ASPH: variants seen among roughly 807,000 people sequenced by gnomAD.
ASPH encodes aspartate beta-hydroxylase.
In ASPH, 100 loss-of-function variants were observed where a neutral mutation model predicts 118.4. The ratio of observed to expected loss-of-function variants is 0.84; its 90% CI spans 0.72 to 1.00. The LOEUF is 1.00. Among genes scored for constraint, ASPH ranks in the 50% least tolerant of loss-of-function variants. The pLI, the probability that ASPH is intolerant of heterozygous loss-of-function variation, is 0.00. For synonymous variants in ASPH, 315 were observed against 325.6 expected, an observed-to-expected ratio of 0.97 and a Z score of 0.35; for missense variants, 920 against 919.5, an observed-to-expected ratio of 1.00 and a Z score of -0.01.
In ASPH at chr8:61,628,323, C is replaced by CTTTTTTTTTT. The variant is rs398008041; in HGVS notation, c.934+5350_934+5359dup. The CTTTTTTTTTT allele has an allele frequency of 5.6e-5, 10 of 178,002 alleles. 2 individuals are homozygous for CTTTTTTTTTT. In the African/African-American group the frequency reaches 5.7e-4, roughly 10 times the overall value. The allele number at this position is 178,002 out of a possible 1,614,324, so 11.0% of individuals were successfully genotyped here. ...TACAGGCACGTGACACCAAGCCCGG[C>CTTTTTTTTTT]TTTTTTTTTTTTTTTTTTTTTTTTT... is the stretch of plus-strand genomic sequence containing the variant. On this transcript the variant is annotated intron_variant, in intron 13 of 24. Transcript: ENST00000379454.
At chr8:61,509,802 G>A (rs571315571) in intron 24 of ASPH, among the ~76,000 whole-genome samples, 4 of 152,026 alleles carry the variant, frequency 2.6e-5, no homozygotes, top group Non-Finnish European at 4.4e-5. Flanking sequence ...ATGTGAGTAG[G>A]GGGGGAGGGT....
intron 13 of ASPH, among the ~76,000 whole-genome samples, chr8:61,626,913 A>G (rs1185184032): frequency 6.6e-6 from 1 of 152,014 alleles, no homozygotes; most frequent in Admixed American, 6.6e-5. Flanking sequence ...TTGTGTTACA[A>G]TTAAACTAGA....
At chr8:61,533,587 T>C (rs1818382980) in intron 21 of ASPH, among the ~76,000 whole-genome samples, 1 of 152,206 alleles carries the variant, frequency 6.6e-6, no homozygotes, top group Non-Finnish European at 1.5e-5. Context: ...CTGACAGGCC[T>C]CCATGTTGGG....
intron 1 of ASPH, among the ~76,000 whole-genome samples, chr8:61,706,455 A>AGGAGGAGG (rs1422556222): frequency 7.0e-6 from 1 of 142,138 alleles, no homozygotes; most frequent in African/African-American, 2.7e-5. Flanking sequence ...GAAGAAGAAG[A>AGGAGGAGG]AGGAGGAAGA....
At chr8:61,577,759 A>G (rs1343915217) in intron 15 of ASPH, among the ~76,000 whole-genome samples, 1 of 152,116 alleles carries the variant, frequency 6.6e-6, no homozygotes, top group East Asian at 1.9e-4. Flanking sequence ...AGAACTTACT[A>G]TCATGAGAAC....
chr8:61,675,946 G>A (rs1050650217), intron 3 of ASPH: 2 of 1,506,942 alleles, frequency 1.3e-6, no homozygotes, highest in Non-Finnish European at 8.8e-7. Context: ...AAGATCACAT[G>A]GTTGACTTGC....
chr8:61,603,483 G>A (rs1357391245), intron 14 of ASPH, among the ~76,000 whole-genome samples: 7 of 152,022 alleles, frequency 4.6e-5, no homozygotes, highest in Non-Finnish European at 1.5e-5. Context: ...AATCATTTTA[G>A]GACATCCATA....
At chr8:61,532,227 T>A (rs1342785323) in intron 21 of ASPH, among the ~76,000 whole-genome samples, 1 of 152,192 alleles carries the variant, frequency 6.6e-6, no homozygotes, top group Non-Finnish European at 1.5e-5. Flanking sequence ...ATAGCCATCC[T>A]AACAGGTATG....
intron 15 of ASPH, chr8:61,583,107 G>A (rs1838095813): frequency 6.6e-6 from 1 of 151,996 alleles, no homozygotes; most frequent in East Asian, 1.9e-4. Context: ...CTGAAAACTG[G>A]AGGTGCATGA....
intron 1 of ASPH, 26 bp from the exon 2 acceptor site, chr8:61,684,214 C>A (rs1248114711): frequency 1.3e-6 from 2 of 1,587,226 alleles, no homozygotes; most frequent in Middle Eastern, 1.7e-4. Context: ...TGTAAGATAT[C>A]ATAAGAAGAA....
intron 10 of ASPH, among the ~76,000 whole-genome samples, chr8:61,641,301 A>G (rs1389242750): frequency 1.3e-5 from 2 of 152,160 alleles, no homozygotes; most frequent in East Asian, 3.9e-4. Context: ...TAGTCTTCAA[A>G]TTGCATTCCA....
At chr8:61,509,612 G>A (rs1013339951) in intron 24 of ASPH, among the ~76,000 whole-genome samples, 1 of 152,092 alleles carries the variant, frequency 6.6e-6, no homozygotes, top group Non-Finnish European at 1.5e-5. Context: ...GACTTAGAAT[G>A]CCTTAACCAT....
chr8:61,502,110 G>A lies in ASPH; in HGVS notation c.*1249C>T, dbSNP rs375007692. The A allele has an allele frequency of 8.5e-5, 13 of 152,108 alleles. No homozygotes were observed. Among genetic ancestry groups the A allele is most frequent in the Admixed American group, 7.2e-4 (11 of 15,274 alleles). The allele number at this position is 152,108 out of a possible 1,614,324, so 9.4% of individuals were successfully genotyped here. A position where few individuals can be genotyped will look rare whatever the true frequency, so the allele number is the denominator to read the frequency against. ...CATCTTTGGAATGAGTAGGCAAGACGATTTTTACCTATTATTTCTATGTTG... is the reference window on the plus strand; with the variant it reads ...CATCTTTGGAATGAGTAGGCAAGACAATTTTTACCTATTATTTCTATGTTG... On this transcript the variant is annotated 3_prime_UTR_variant, in exon 25 of 25. Transcript: ENST00000379454.
At chr8:61,614,893 T>C (rs1015783493) in intron 14 of ASPH, among the ~76,000 whole-genome samples, 1 of 152,152 alleles carries the variant, frequency 6.6e-6, no homozygotes, top group African/African-American at 2.4e-5. Flanking sequence ...ACTCACCACT[T>C]CTACTCTACA....
intron 22 of ASPH, among the ~76,000 whole-genome samples, chr8:61,522,136 T>G (rs1813319207): frequency 6.6e-6 from 1 of 152,228 alleles, no homozygotes; most frequent in South Asian, 2.1e-4. Flanking sequence ...CATAACAATT[T>G]AAAAAGTTAT....
At chr8:61,648,297 G>A (rs192033515) in intron 5 of ASPH, among the ~76,000 whole-genome samples, 2 of 152,230 alleles carry the variant, frequency 1.3e-5, no homozygotes, top group African/African-American at 2.4e-5. Context: ...CCCCAGCCCA[G>A]ACTGCAAGAA....
chr8:61,695,753 T>C (rs1313952463), intron 1 of ASPH, among the ~76,000 whole-genome samples: 4 of 152,264 alleles, frequency 2.6e-5, no homozygotes, highest in African/African-American at 9.6e-5. Context: ...CCCTTGGATC[T>C]ATCTACTAGG....
chr8:61,619,043 G>C (rs1849979556), intron 13 of ASPH, 24 bp from the exon 14 acceptor site: 1 of 1,542,080 alleles, frequency 6.5e-7, no homozygotes, highest in South Asian at 1.1e-5. Context: ...ACAAAACATA[G>C]TAAGTACTAT....
intron 13 of ASPH, among the ~76,000 whole-genome samples, chr8:61,627,915 A>G (rs956007799): frequency 2.0e-5 from 3 of 152,246 alleles, no homozygotes; most frequent in Admixed American, 2.0e-4. Context: ...CAAGCCAGAA[A>G]TGTAGGAACG....
Sources: allele counts gnomAD v4.1 joint callset (sites outside exome capture counted in the v4.1 genomes callset), GRCh38; gene constraint gnomAD v4.1.1; transcripts MANE v1.5; gene names NCBI Gene and HGNC (gene_info 2026-07-23, HGNC 2026-07-21).